Variants in KIF18A observed in about 807,000 individuals in gnomAD.
KIF18A encodes kinesin-like protein KIF18A.
KIF18A carries 67 observed loss-of-function variants against 103.3 expected under a neutral mutation model. The observed-to-expected ratio is 0.65, with a 90% CI of 0.53 to 0.79. The LOEUF is 0.79. KIF18A is among the 30% of genes least tolerant of loss of function. KIF18A has a pLI of 0.00. For missense variants in KIF18A, 1,032 were observed against 1,062.5 expected (o/e 0.97, Z 0.40); for synonymous variants, 367 against 355.5 (o/e 1.03, Z -0.36).
chr11:28,058,360 T>C (rs531725782), intron 13 of KIF18A, among the ~76,000 whole-genome samples: 5 of 151,296 alleles, frequency 3.3e-5, no homozygotes, highest in African/African-American at 1.2e-4. Flanking sequence ...CCATCAAAAA[T>C]AGATAAAATG....
intron 15 of KIF18A, among the ~76,000 whole-genome samples, chr11:28,027,856 G>C (rs1162768498): frequency 6.6e-6 from 1 of 151,938 alleles, no homozygotes. Flanking sequence ...TATGAGGCCA[G>C]TATTACTCTG....
At chr11:28,039,702 C>T (rs189763374) in intron 13 of KIF18A, among the ~76,000 whole-genome samples, 1 of 151,776 alleles carries the variant, frequency 6.6e-6, no homozygotes, top group African/African-American at 2.4e-5. Flanking sequence ...AACAATTTGT[C>T]AGTAAAAGGA....
intron 8 of KIF18A, 21 bp from the exon 9 acceptor site, chr11:28,082,989 G>A (rs1358657865): frequency 6.6e-7 from 1 of 1,504,002 alleles, no homozygotes; most frequent in East Asian, 2.3e-5. Flanking sequence ...GAAATCACTA[G>A]TTAAAATACA....
chr11:28,057,966 C>T (rs1054007879), intron 13 of KIF18A, among the ~76,000 whole-genome samples: 11 of 151,926 alleles, frequency 7.2e-5, no homozygotes, highest in Non-Finnish European at 1.3e-4. Context: ...TCACGTGAAA[C>T]CTAACAAAAA....
chr11:28,073,586 C>A (rs1244360009), intron 10 of KIF18A, among the ~76,000 whole-genome samples: 1 of 152,040 alleles, frequency 6.6e-6, no homozygotes, highest in Non-Finnish European at 1.5e-5. Flanking sequence ...CTGTTCCTCA[C>A]AAATGGTGAT....
At chr11:28,025,091 T>G (rs1341138068) in intron 15 of KIF18A, among the ~76,000 whole-genome samples, 1 of 152,086 alleles carries the variant, frequency 6.6e-6, no homozygotes, top group Non-Finnish European at 1.5e-5. Context: ...AATATCTTAT[T>G]GTTCTACAAT....
Position 28,090,661 on chromosome 11 carries a change from T to C in KIF18A, c.655A>G (p.Thr219Ala), listed in dbSNP as rs775770792. The change falls in exon 5 of 17, where the codon ACT (threonine) becomes GCT (alanine). Residue 219 changes from threonine (T) to alanine (A), a missense_variant. Transcript: ENST00000263181. ...CGAGAAGATGTGGCATTCATATCAGTGGGATGTTGTGTCCTGTTTTTGTTT... is the reference window on the plus strand; with the variant it reads ...CGAGAAGATGTGGCATTCATATCAGCGGGATGTTGTGTCCTGTTTTTGTTT... ...NGNKNRTQHPTDMNATSSRSH... is the reference protein window; with the variant it reads ...NGNKNRTQHPADMNATSSRSH... 6.2e-7 allele frequency: 1 copy of C among 1,610,488 alleles called. No individual in the cohort carries two copies. Among genetic ancestry groups the C allele is most frequent in the Non-Finnish European group, 8.5e-7 (1 of 1,177,284 alleles).
chr11:28,089,734 T>A (rs894782519), intron 5 of KIF18A, among the ~76,000 whole-genome samples: 1 of 152,196 alleles, frequency 6.6e-6, no homozygotes, highest in Non-Finnish European at 1.5e-5. Context: ...TAGTAAAGCA[T>A]AATTTATTCA....
In KIF18A at chr11:28,094,751, T is replaced by C; in HGVS notation, c.375A>G (p.Gly125=). Residue 125 remains glycine, a synonymous_variant, in exon 3 of 17, where the codon GGA becomes GGG. Coordinates refer to ENST00000263181, the MANE Select transcript of KIF18A (RefSeq NM_031217.4). ...ACATCACTCCAGGTTCATCAGCTGA[T>C]CCTAGCATAGTGTGGGTCTTCCCAG... ...TGAGKTHTML[G]SADEPGVMYL... is the part of the protein sequence containing the mutation. 1.9e-6 allele frequency: 3 copies of C among 1,613,972 alleles called. 1 individual carries two copies. In the South Asian group the frequency reaches 3.3e-5, roughly 18 times the overall value.
chr11:28,080,739 G>T (rs1353599069), intron 9 of KIF18A, among the ~76,000 whole-genome samples: 1 of 152,082 alleles, frequency 6.6e-6, no homozygotes, highest in Non-Finnish European at 1.5e-5. Flanking sequence ...AGAGTTAGTT[G>T]CATGTCTATC....
At chr11:28,096,106 C>T (rs867750367) in intron 2 of KIF18A, among the ~76,000 whole-genome samples, 2 of 130,532 alleles carry the variant, frequency 1.5e-5, no homozygotes, top group African/African-American at 5.7e-5. Context: ...AATAACTTCT[C>T]ATATCATTGC....
chr11:28,083,342 A>C (rs1231826142), intron 7 of KIF18A, 99 bp from the exon 8 acceptor site: 1 of 1,292,586 alleles, frequency 7.7e-7, no homozygotes, highest in Non-Finnish European at 1.0e-6. Context: ...GAGTTCCATG[A>C]ATTCAGAATT....
chr11:28,023,589 C>G, intron 16 of KIF18A, 152 bp downstream of exon 16: 1 of 437,214 alleles, frequency 2.3e-6, no homozygotes, highest in Non-Finnish European at 4.1e-6. Context: ...GTTTCCTTAT[C>G]TATAATATGT....
intron 10 of KIF18A, among the ~76,000 whole-genome samples, chr11:28,074,174 A>G (rs1437933900): frequency 9.2e-5 from 14 of 152,082 alleles, no homozygotes; most frequent in African/African-American, 3.4e-4. Flanking sequence ...AAACATAAAA[A>G]ATAAAGAAAA....
intron 2 of KIF18A, among the ~76,000 whole-genome samples, chr11:28,096,998 T>G (rs1293177460): frequency 6.6e-6 from 1 of 152,036 alleles, no homozygotes; most frequent in African/African-American, 2.4e-5. Context: ...TAACATGGGA[T>G]CTTAACACTT....
chr11:28,107,742 T>C (rs1372319671), intron 1 of KIF18A, among the ~76,000 whole-genome samples: 1 of 152,110 alleles, frequency 6.6e-6, no homozygotes, highest in Non-Finnish European at 1.5e-5. Flanking sequence ...CACTACAAGG[T>C]GCTGGGCAGT....
intron 6 of KIF18A, among the ~76,000 whole-genome samples, 194 bp from the exon 7 acceptor site, chr11:28,085,002 A>G (rs1478505447): frequency 6.6e-6 from 1 of 152,222 alleles, no homozygotes; most frequent in Non-Finnish European, 1.5e-5. Context: ...TATAGAGATG[A>G]TCATGGACAA....
chr11:28,091,120 C>A (rs1397150495), intron 4 of KIF18A, among the ~76,000 whole-genome samples: 1 of 140,884 alleles, frequency 7.1e-6, no homozygotes, highest in Non-Finnish European at 1.5e-5. Flanking sequence ...ATAGCCCGGT[C>A]ACAAAATAAA....
intron 13 of KIF18A, among the ~76,000 whole-genome samples, chr11:28,056,126 A>T (rs949627248): frequency 6.6e-6 from 1 of 151,758 alleles, no homozygotes; most frequent in Non-Finnish European, 1.5e-5. Context: ...TGACCAAAAA[A>T]AGTCTATATG....
Sources: allele counts gnomAD v4.1 joint callset (sites outside exome capture counted in the v4.1 genomes callset), GRCh38; gene constraint gnomAD v4.1.1; transcripts MANE v1.5; gene names NCBI Gene and HGNC (gene_info 2026-07-23, HGNC 2026-07-21).